CAB39L: variants seen among roughly 807,000 people sequenced by gnomAD.
CAB39L encodes the protein calcium binding protein 39 like.
Under a neutral mutation model 39.1 loss-of-function variants are expected in CAB39L, and 23 were observed. The observed-to-expected ratio is 0.59, with a 90% CI of 0.42 to 0.83. The LOEUF is 0.83. Among genes scored for constraint, CAB39L ranks in the 40% least tolerant of loss-of-function variants. The pLI is 0.00. For synonymous variants in CAB39L, 126 were observed against 137.2 expected (o/e 0.92, Z 0.57); for missense variants, 366 against 391.9 (o/e 0.93, Z 0.56).
At chr13:49,437,160 T>C (rs1957431278) in intron 1 of CAB39L, among the ~76,000 whole-genome samples, 2 of 152,234 alleles carry the variant, frequency 1.3e-5, no homozygotes, top group Admixed American at 1.3e-4. Flanking sequence ...TCTTGAAATA[T>C]TTTATTTTTC....
chr13:49,419,217 C>T (rs1957133566), intron 3 of CAB39L, among the ~76,000 whole-genome samples: 1 of 152,212 alleles, frequency 6.6e-6, no homozygotes, highest in African/African-American at 2.4e-5. Flanking sequence ...ATCCACCCGC[C>T]TCGGCCTCCC....
chr13:49,402,917 T>G (rs1479799002), intron 3 of CAB39L, among the ~76,000 whole-genome samples: 1 of 152,142 alleles, frequency 6.6e-6, no homozygotes, highest in East Asian at 1.9e-4. Context: ...AGATGTTAAA[T>G]GGAAATAATT....
chr13:49,351,959 T>A (rs886358421), intron 6 of CAB39L, among the ~76,000 whole-genome samples: 1 of 152,196 alleles, frequency 6.6e-6, no homozygotes, highest in Non-Finnish European at 1.5e-5. Context: ...GAGTTTGTGG[T>A]TGACCACATT....
At chr13:49,328,959 T>C (rs892644592) in intron 10 of CAB39L, among the ~76,000 whole-genome samples, 22 of 152,236 alleles carry the variant, frequency 1.4e-4, no homozygotes, top group African/African-American at 5.1e-4. Flanking sequence ...GCTTTTCTAG[T>C]GCAGATCTTT....
intron 3 of CAB39L, among the ~76,000 whole-genome samples, chr13:49,429,953 A>C (rs1957295322): frequency 6.6e-6 from 1 of 152,144 alleles, no homozygotes; most frequent in South Asian, 2.1e-4. Flanking sequence ...ATTTCTTCTA[A>C]TGTTACCTTT....
chr13:49,414,510 T>C (rs1218596553), intron 3 of CAB39L, among the ~76,000 whole-genome samples: 5 of 152,164 alleles, frequency 3.3e-5, no homozygotes, highest in Admixed American at 1.3e-4. Flanking sequence ...AGGGAAACAG[T>C]TGAATAAATT....
chr13:49,410,163 T>C (rs976639641), intron 3 of CAB39L, among the ~76,000 whole-genome samples: 1 of 152,160 alleles, frequency 6.6e-6, no homozygotes, highest in Non-Finnish European at 1.5e-5. Context: ...GCTAGTATCA[T>C]AACAACAAAA....
At chr13:49,347,809 G>C (rs932831550) in intron 7 of CAB39L, among the ~76,000 whole-genome samples, 1 of 151,800 alleles carries the variant, frequency 6.6e-6, no homozygotes, top group Non-Finnish European at 1.5e-5. Context: ...TGCCCTCACC[G>C]CCCCTCCCTT....
chr13:49,405,717 G>GGA (rs1391045733), intron 3 of CAB39L, among the ~76,000 whole-genome samples: 20 of 138,114 alleles, frequency 1.4e-4, no homozygotes, highest in South Asian at 2.7e-4. Flanking sequence ...AAGAAAGAGA[G>GGA]AGAGGAAGGA....
chr13:49,340,182 A>ACTAGTTGGG (rs1203254747), intron 8 of CAB39L, among the ~76,000 whole-genome samples: 3 of 152,222 alleles, frequency 2.0e-5, no homozygotes, highest in African/African-American at 7.2e-5. Flanking sequence ...GAACGAGGCA[A>ACTAGTTGGG]CCTTTGTTGC....
chr13:49,322,464 T>C (rs190578947), intron 10 of CAB39L, among the ~76,000 whole-genome samples: 1 of 152,372 alleles, frequency 6.6e-6, no homozygotes, highest in East Asian at 1.9e-4. Flanking sequence ...GTGAAATCAC[T>C]GCAGTGTCAC....
intron 3 of CAB39L, among the ~76,000 whole-genome samples, chr13:49,408,077 C>T (rs190394894): frequency 5.5e-4 from 83 of 151,898 alleles, no homozygotes; most frequent in African/African-American, 2.0e-3. Flanking sequence ...AATCAAAGGG[C>T]AAAGAAACAG....
At chr13:49,384,098 T>C (rs1956304991) in intron 3 of CAB39L, among the ~76,000 whole-genome samples, 1 of 152,234 alleles carries the variant, frequency 6.6e-6, no homozygotes, top group African/African-American at 2.4e-5. Flanking sequence ...TTACTCACAG[T>C]AGAACTGCTT....
intron 2 of CAB39L, 36 bp downstream of exon 2, chr13:49,434,050 T>C (rs1708411280): frequency 4.7e-6 from 2 of 426,972 alleles, no homozygotes; most frequent in African/African-American, 2.1e-5. Context: ...TGTATGCGTG[T>C]GCTTGTTTCC....
At chr13:49,378,261 T>G (rs1348517378) in intron 4 of CAB39L, among the ~76,000 whole-genome samples, 2 of 75,264 alleles carry the variant, frequency 2.7e-5, no homozygotes, top group South Asian at 4.4e-4. Context: ...GGGAGGGAGG[T>G]GGGGGGGGGT....
At chr13:49,393,134 T>C (rs186736195) in intron 3 of CAB39L, 35 of 152,170 alleles carry the variant, frequency 2.3e-4, no homozygotes, top group African/African-American at 7.9e-4. Context: ...TGTGACAAAA[T>C]TGTAATTAAC....
intron 3 of CAB39L, among the ~76,000 whole-genome samples, chr13:49,391,489 A>G (rs1017219647): frequency 4.1e-4 from 63 of 152,214 alleles, no homozygotes; most frequent in Non-Finnish European, 1.5e-4. Context: ...GTATTTTGAT[A>G]GAGGCAAAAT....
intron 1 of CAB39L, among the ~76,000 whole-genome samples, chr13:49,439,064 C>T (rs955800365): frequency 1.3e-5 from 2 of 152,144 alleles, no homozygotes; most frequent in Non-Finnish European, 2.9e-5. Flanking sequence ...CACCTCTTGA[C>T]TCCTTTTTAA....
chr13:49,397,881 G>A (rs1295787111), intron 3 of CAB39L, among the ~76,000 whole-genome samples: 1 of 151,928 alleles, frequency 6.6e-6, no homozygotes, highest in East Asian at 1.9e-4. Flanking sequence ...AATTATCAAG[G>A]GAGACTCATA....
Sources: gnomAD v4.1 joint callset for allele counts (sites outside exome capture counted in the v4.1 genomes callset) on GRCh38, gnomAD v4.1.1 for gene constraint, MANE v1.5 for transcripts, NCBI Gene and HGNC (gene_info 2026-07-23, HGNC 2026-07-21) for gene names.